Variants in RFX3 observed in about 807,000 individuals in gnomAD.
RFX3 encodes the protein transcription factor RFX3.
In RFX3, 14 loss-of-function variants were observed where a neutral mutation model predicts 98.6. The ratio of observed to expected loss-of-function variants is 0.14; its 90% CI spans 0.09 to 0.22. RFX3 has a LOEUF of 0.22. Among genes scored for constraint, RFX3 ranks in the 10% least tolerant of loss-of-function variants. The probability of loss-of-function intolerance (pLI) is 1.00; values close to 1 mark genes in which losing one functional copy is unlikely to be tolerated. For missense variants in RFX3, 639 were observed against 926.9 expected (o/e 0.69, Z 4.03); for synonymous variants, 383 against 328.4 (o/e 1.17, Z -1.80).
intron 4 of RFX3, among the ~76,000 whole-genome samples, chr9:3,305,627 A>T (rs576411188): frequency 3.3e-5 from 5 of 152,194 alleles, no homozygotes; most frequent in Admixed American, 1.3e-4. Context: ...TAGTTGCATG[A>T]TTCCAAATGG....
chr9:3,377,345 C>A (rs1838658934), intron 2 of RFX3, among the ~76,000 whole-genome samples: 1 of 151,926 alleles, frequency 6.6e-6, no homozygotes, highest in Admixed American at 6.6e-5. Context: ...ATCGCAGGGA[C>A]AAAAAACCAA....
At chr9:3,476,052 T>C (rs1183128226) in intron 1 of RFX3, among the ~76,000 whole-genome samples, 1 of 152,124 alleles carries the variant, frequency 6.6e-6, no homozygotes, top group East Asian at 1.9e-4. Context: ...TCTCACTATG[T>C]CCCCTCAGCT....
chr9:3,247,598 T>G (rs1339951731), intron 15 of RFX3: 4 of 1,276,766 alleles, frequency 3.1e-6, no homozygotes, highest in Non-Finnish European at 4.0e-6. Flanking sequence ...TCATTACCAT[T>G]TTTATCCTTC....
chr9:3,257,647 T>C (rs1822307804), intron 13 of RFX3, among the ~76,000 whole-genome samples: 2 of 152,114 alleles, frequency 1.3e-5, no homozygotes, highest in South Asian at 4.1e-4. Context: ...GTCAGACAGA[T>C]AAATAGATAA....
At chr9:3,494,828 T>G (rs1177547308) in intron 1 of RFX3, among the ~76,000 whole-genome samples, 1 of 152,046 alleles carries the variant, frequency 6.6e-6, no homozygotes, top group Non-Finnish European at 1.5e-5. Context: ...TGTCTGAAGT[T>G]ATGAAGAAAA....
intron 13 of RFX3, among the ~76,000 whole-genome samples, chr9:3,259,077 T>C (rs1383837560): frequency 1.3e-5 from 2 of 152,042 alleles, no homozygotes; most frequent in African/African-American, 2.4e-5. Flanking sequence ...TATACTATTA[T>C]TTACATAACC....
chr9:3,522,535 T>C (rs1818819979), intron 1 of RFX3, among the ~76,000 whole-genome samples: 2 of 150,326 alleles, frequency 1.3e-5, no homozygotes. Flanking sequence ...TTCCTATTAC[T>C]GTTCTGGAAA....
chr9:3,437,844 A>G (rs533091828), intron 1 of RFX3, among the ~76,000 whole-genome samples: 4 of 152,180 alleles, frequency 2.6e-5, no homozygotes, highest in African/African-American at 7.2e-5. Context: ...CATATTAAAT[A>G]TATTTCCTTA....
intron 6 of RFX3, among the ~76,000 whole-genome samples, chr9:3,292,194 T>C (rs1158574481): frequency 6.6e-6 from 1 of 151,890 alleles, no homozygotes; most frequent in Non-Finnish European, 1.5e-5. Flanking sequence ...TTTAACTTTT[T>C]ATGTGATTTC....
intron 4 of RFX3, among the ~76,000 whole-genome samples, chr9:3,310,957 G>A (rs994912421): frequency 1.3e-5 from 2 of 152,002 alleles, no homozygotes; most frequent in Non-Finnish European, 2.9e-5. Context: ...AAATATGATC[G>A]ATAAACGTTA....
chr9:3,323,945 GTGA>G, intron 4 of RFX3: 1 of 370,082 alleles, frequency 2.7e-6, no homozygotes, highest in Non-Finnish European at 6.2e-6. Context: ...TACAGATGAA[GTGA>G]TGGAGACTAC....
intron 13 of RFX3, among the ~76,000 whole-genome samples, chr9:3,257,864 C>G (rs1008488118): frequency 6.6e-6 from 1 of 152,122 alleles, no homozygotes; most frequent in African/African-American, 2.4e-5. Context: ...TGTAGACGTG[C>G]TTCCTGCCAA....
intron 1 of RFX3, among the ~76,000 whole-genome samples, chr9:3,511,851 G>T (rs1056233414): frequency 6.6e-6 from 1 of 151,956 alleles, no homozygotes; most frequent in African/African-American, 2.4e-5. Context: ...AGATATGACC[G>T]GAAACCAAGA....
At chr9:3,305,242 G>GA (rs1197658365) in intron 4 of RFX3, among the ~76,000 whole-genome samples, 1 of 152,022 alleles carries the variant, frequency 6.6e-6, no homozygotes, top group Non-Finnish European at 1.5e-5. Flanking sequence ...GAGTGAGGCT[G>GA]AAAAAATAGG....
Position 3,349,667 on chromosome 9 carries a change from A to G in RFX3, c.118-2903T>C, listed in dbSNP as rs2991324. ...CTTTTTCTCTATATCTTTTTAGACA[A>G]ACGTGCAAATGTATATGAATGTGTA... is the stretch of plus-strand genomic sequence containing the variant. On this transcript the variant is annotated intron_variant, in intron 2 of 16. Transcript: ENST00000617270. Among the ~76,000 whole-genome samples, 6 of 151,944 alleles carry G rather than the reference A, an allele frequency of 3.9e-5. No individual in the cohort carries two copies. The South Asian group carries it at 1.2e-3, about 32-fold the overall frequency.
chr9:3,408,244 C>T (rs1842133856), intron 1 of RFX3, among the ~76,000 whole-genome samples: 1 of 152,058 alleles, frequency 6.6e-6, no homozygotes, highest in Non-Finnish European at 1.5e-5. Context: ...CAATCAAGGG[C>T]AATAACTGAG....
chr9:3,430,643 T>G (rs1844575178), intron 1 of RFX3, among the ~76,000 whole-genome samples: 1 of 152,186 alleles, frequency 6.6e-6, no homozygotes, highest in Non-Finnish European at 1.5e-5. Flanking sequence ...TCTGATTCAT[T>G]CTTTTGAATT....
At chr9:3,468,822 A>G (rs1315251073) in intron 1 of RFX3, among the ~76,000 whole-genome samples, 1 of 150,878 alleles carries the variant, frequency 6.6e-6, no homozygotes, top group South Asian at 2.1e-4. Flanking sequence ...TTTGAAAAAA[A>G]AAAAAAAAAG....
chr9:3,283,857 C>G (rs113445437), intron 7 of RFX3, among the ~76,000 whole-genome samples: 2 of 151,342 alleles, frequency 1.3e-5, no homozygotes, highest in Non-Finnish European at 3.0e-5. Context: ...AATTTTATTA[C>G]GTGTATTTCT....
Sources: gnomAD v4.1 joint callset for allele counts (sites outside exome capture counted in the v4.1 genomes callset) on GRCh38, gnomAD v4.1.1 for gene constraint, MANE v1.5 for transcripts, NCBI Gene and HGNC (gene_info 2026-07-23, HGNC 2026-07-21) for gene names.